Variants in ADAMTSL1 observed in about 807,000 individuals in gnomAD.
ADAMTSL1 encodes the protein ADAMTS like 1.
ADAMTSL1 carries 126 observed loss-of-function variants against 201.8 expected under a neutral mutation model. The observed-to-expected ratio is 0.62, with a 90% CI of 0.54 to 0.72. The LOEUF is 0.72. Ranked by LOEUF, ADAMTSL1 falls within the 30% of genes least tolerant of loss-of-function variation. ADAMTSL1 has a pLI of 0.00. For synonymous variants in ADAMTSL1, 1,121 were observed against 903.4 expected (o/e 1.24, Z -4.32); for missense variants, 2,679 against 2,277.8 (o/e 1.18, Z -3.59).
intron 2 of ADAMTSL1, among the ~76,000 whole-genome samples, chr9:18,517,457 G>A (rs1193637792): frequency 1.3e-5 from 2 of 150,120 alleles, no homozygotes; most frequent in African/African-American, 4.9e-5. Flanking sequence ...TAGGATACAT[G>A]TGCACATTGT....
At chr9:18,074,511 C>CTTTTCTTTTCCT (rs368569922) in intron 1 of ADAMTSL1, among the ~76,000 whole-genome samples, 1 of 93,582 alleles carries the variant, frequency 1.1e-5, no homozygotes, top group Non-Finnish European at 1.9e-5. Context: ...CTTTTCTTTT[C>CTTTTCTTTTCCT]TTCTTTTCTT....
intron 2 of ADAMTSL1, among the ~76,000 whole-genome samples, chr9:18,166,109 C>T (rs1374400653): frequency 6.6e-6 from 1 of 151,772 alleles, no homozygotes; most frequent in Non-Finnish European, 1.5e-5. Context: ...TTGTACAAAC[C>T]TATTTGATTT....
intron 23 of ADAMTSL1, among the ~76,000 whole-genome samples, chr9:18,831,359 T>C (rs1054238568): frequency 3.9e-5 from 6 of 152,322 alleles, no homozygotes; most frequent in Middle Eastern, 3.4e-3. Flanking sequence ...ACTTCTTTAT[T>C]TTAGAATCAC....
At chr9:18,513,202 C>CTA (rs1247497483) in intron 2 of ADAMTSL1, among the ~76,000 whole-genome samples, 3 of 152,208 alleles carry the variant, frequency 2.0e-5, no homozygotes, top group East Asian at 3.9e-4. Flanking sequence ...TTGAAGTGTT[C>CTA]TATACAGTAT....
intron 2 of ADAMTSL1, among the ~76,000 whole-genome samples, chr9:18,287,629 A>ATATGTG (rs375588101): frequency 2.1e-5 from 3 of 140,390 alleles, no homozygotes; most frequent in Non-Finnish European, 1.6e-5. Context: ...GTATACATAT[A>ATATGTG]CGCATATATG....
chr9:18,177,932 C>T (rs1002484389), intron 2 of ADAMTSL1, among the ~76,000 whole-genome samples: 1 of 152,120 alleles, frequency 6.6e-6, no homozygotes. Context: ...CAAGTGTGCA[C>T]GATGAATACA....
At chr9:18,454,441 C>T (rs1175111690) in intron 2 of ADAMTSL1, among the ~76,000 whole-genome samples, 5 of 152,184 alleles carry the variant, frequency 3.3e-5, no homozygotes, top group African/African-American at 7.2e-5. Flanking sequence ...TGGAAACACC[C>T]TCACAGACAC....
rs199839844 is a variant in ADAMTSL1 at position 18,795,471 on chromosome 9, A to T, written c.3752A>T (p.Asn1251Ile). ...VEADVGFYTC[N>I]ATNALGYDSV... ...GCAGATGTGGGTTTCTACACTTGCA[A>T]TGCCACCAATGCCTTGGGATACGAC... Residue 1251 changes from asparagine (N) to isoleucine (I), a missense_variant, in exon 20 of 29, where the codon AAT (asparagine) becomes ATT (isoleucine). Transcript: ENST00000380548. The T allele has an allele frequency of 1.2e-6, 2 of 1,613,844 alleles. No individual in the cohort carries two copies. Among genetic ancestry groups the T allele is most frequent in the Admixed American group, 3.3e-5 (2 of 59,972 alleles).
chr9:18,103,953 C>T (rs543607239), intron 1 of ADAMTSL1, among the ~76,000 whole-genome samples: 12 of 152,196 alleles, frequency 7.9e-5, no homozygotes, highest in African/African-American at 2.6e-4. Flanking sequence ...TATTGAAAGC[C>T]CTGAGATTTT....
intron 1 of ADAMTSL1, among the ~76,000 whole-genome samples, chr9:18,477,867 T>A (rs918021359): frequency 3.3e-5 from 5 of 152,212 alleles, no homozygotes; most frequent in African/African-American, 1.2e-4. Context: ...ACACCATTTC[T>A]GTTGCTTCAT....
chr9:18,283,320 T>C (rs1832863716), intron 2 of ADAMTSL1, among the ~76,000 whole-genome samples: 1 of 152,082 alleles, frequency 6.6e-6, no homozygotes, highest in Admixed American at 6.6e-5. Context: ...TAAACCTATC[T>C]TTAACCAGGT....
intron 1 of ADAMTSL1, among the ~76,000 whole-genome samples, chr9:18,502,794 T>C (rs2131917543): frequency 6.6e-6 from 1 of 152,254 alleles, no homozygotes; most frequent in Non-Finnish European, 1.5e-5. Flanking sequence ...GTCAGGGATT[T>C]CAGGGAGATG....
intron 1 of ADAMTSL1, among the ~76,000 whole-genome samples, chr9:18,155,055 C>G (rs1827091221): frequency 6.6e-6 from 1 of 151,964 alleles, no homozygotes; most frequent in Non-Finnish European, 1.5e-5. Flanking sequence ...TGCCAAAGCA[C>G]TATCTGTAGA....
intron 1 of ADAMTSL1, among the ~76,000 whole-genome samples, chr9:18,120,865 A>G (rs1371663952): frequency 2.0e-5 from 3 of 152,172 alleles, no homozygotes; most frequent in Admixed American, 6.6e-5. Context: ...TAAATTACCT[A>G]TTATTAATAC....
intron 1 of ADAMTSL1, among the ~76,000 whole-genome samples, chr9:18,069,148 T>C (rs1457759342): frequency 6.6e-6 from 1 of 152,086 alleles, no homozygotes; most frequent in Non-Finnish European, 1.5e-5. Context: ...AAATACGGTG[T>C]CTGAATTAGG....
intron 1 of ADAMTSL1, among the ~76,000 whole-genome samples, chr9:17,922,347 A>C (rs907888620): frequency 9.2e-5 from 14 of 152,150 alleles, no homozygotes; most frequent in Non-Finnish European, 7.3e-5. Context: ...CACAAACTTC[A>C]GTGTGCCTAA....
intron 1 of ADAMTSL1, among the ~76,000 whole-genome samples, chr9:17,983,326 C>T (rs1818798376): frequency 6.6e-6 from 1 of 152,086 alleles, no homozygotes; most frequent in Non-Finnish European, 1.5e-5. Context: ...GCCTCAGCCT[C>T]CCAAAGTGCT....
intron 2 of ADAMTSL1, among the ~76,000 whole-genome samples, chr9:18,175,988 G>T (rs1234818632): frequency 7.2e-6 from 1 of 138,002 alleles, no homozygotes; most frequent in Admixed American, 7.8e-5. Context: ...TTTAGGGAAG[G>T]GGCTAAGAAG....
At chr9:18,303,865 C>T (rs1042587713) in intron 2 of ADAMTSL1, among the ~76,000 whole-genome samples, 1 of 152,138 alleles carries the variant, frequency 6.6e-6, no homozygotes, top group Non-Finnish European at 1.5e-5. Flanking sequence ...CTTTTCTCTT[C>T]TGCACCCTGC....
Sources: allele counts gnomAD v4.1 joint callset (sites outside exome capture counted in the v4.1 genomes callset), GRCh38; gene constraint gnomAD v4.1.1; transcripts MANE v1.5; gene names NCBI Gene and HGNC (gene_info 2026-07-23, HGNC 2026-07-21).